Variants in NAA16 observed in about 807,000 individuals in gnomAD.
NAA16 encodes the protein NARG1-like protein.
A neutral mutation model predicts 110.3 loss-of-function variants in NAA16; 97 were observed. That is an observed-to-expected ratio of 0.88 (90% CI 0.75 to 1.04). The LOEUF is 1.04. NAA16 is among the 50% of genes least tolerant of loss of function. The pLI is 0.00. For missense variants in NAA16, 1,017 were observed against 1,005.1 expected, an observed-to-expected ratio of 1.01 and a Z score of -0.16; for synonymous variants, 372 against 330.6, an observed-to-expected ratio of 1.13 and a Z score of -1.36.
At chr13:41,333,549 C>T (rs1024019916) in intron 8 of NAA16, among the ~76,000 whole-genome samples, 4 of 152,088 alleles carry the variant, frequency 2.6e-5, no homozygotes, top group Non-Finnish European at 5.9e-5. Flanking sequence ...TCTGACTTCT[C>T]CTCCTTTTAT....
chr13:41,312,347 A>G (rs1228594370), intron 1 of NAA16, among the ~76,000 whole-genome samples: 1 of 152,140 alleles, frequency 6.6e-6, no homozygotes, highest in Non-Finnish European at 1.5e-5. Context: ...CAGAAGCCTG[A>G]ATAATGGCCC....
chr13:41,358,545 TTG>T (rs770719483), intron 11 of NAA16, 72 bp downstream of exon 11: 119 of 1,575,744 alleles, frequency 7.6e-5, no homozygotes, highest in Non-Finnish European at 9.9e-5. Context: ...AGTTTTTTCT[TTG>T]TGGAAACAAG....
chr13:41,334,822 T>C (rs1653079222), intron 8 of NAA16, among the ~76,000 whole-genome samples: 1 of 152,150 alleles, frequency 6.6e-6, no homozygotes, highest in African/African-American at 2.4e-5. Context: ...AAGACATCCA[T>C]TGTGATCAGC....
intron 16 of NAA16, 106 bp downstream of exon 16, chr13:41,372,417 C>T: frequency 7.3e-7 from 1 of 1,368,094 alleles, no homozygotes; most frequent in Non-Finnish European, 9.4e-7. Context: ...TTCATTTTAG[C>T]CTTCTACAAA....
chr13:41,372,573 C>T (rs540948863), intron 16 of NAA16, 159 bp from the exon 17 acceptor site: 17 of 985,218 alleles, frequency 1.7e-5, no homozygotes, highest in Middle Eastern at 5.2e-4. Flanking sequence ...CTTTAGAAAG[C>T]CATAGTTGAC....
intron 9 of NAA16, among the ~76,000 whole-genome samples, chr13:41,346,761 C>G (rs1415399578): frequency 6.6e-6 from 1 of 152,020 alleles, no homozygotes; most frequent in Non-Finnish European, 1.5e-5. Flanking sequence ...TAGCTGGGCC[C>G]TTTGTTATCT....
intron 3 of NAA16, among the ~76,000 whole-genome samples, chr13:41,319,492 A>G (rs2041891664): frequency 6.6e-6 from 1 of 152,166 alleles, no homozygotes; most frequent in Non-Finnish European, 1.5e-5. Flanking sequence ...TTCTTTGGGT[A>G]ATATCCCAGT....
At position 41,355,200 on chromosome 13, in the gene NAA16, CTT is replaced by C; in HGVS notation, c.1076_1077del (p.Phe359Ter). Reference protein sequence around the residue: ...NYEASLKTCDFFSPYENGEKE... With the variant: ...NYEASLKTCDXFSPYENGEKE... ...ATGAAGCCTCTCTTAAAACGTGTGA[CTT>C]TTTTAGCCCATATGGTAAGTTTAAA... is the stretch of plus-strand genomic sequence containing the variant. On this transcript the variant is annotated frameshift_variant, in exon 10 of 20. Coordinates refer to ENST00000379406, the MANE Select transcript of NAA16 (RefSeq NM_024561.5). LOFTEE classifies it high-confidence loss of function. 1 of 1,582,572 alleles carries C rather than the reference CTT, an allele frequency of 6.3e-7. No homozygotes were observed. Among genetic ancestry groups the C allele is most frequent in the South Asian group, 1.2e-5 (1 of 86,274 alleles).
At position 41,372,989 on chromosome 13, in the gene NAA16, C is replaced by T. The variant is rs368653542; in HGVS notation, c.2155+159C>T. 3.7e-5 allele frequency: 30 copies of T among 808,530 alleles called. 1 individual carries two copies. The East Asian group carries it at 2.2e-3, about 61-fold the overall frequency. The allele number at this position is 808,530 out of a possible 1,614,324, so 50.1% of individuals were successfully genotyped here. ...ATGATACAAATCCTCTGATCATGGC[C>T]CAAGCTGTCAGTGGGATGCCACTGA... is the stretch of plus-strand genomic sequence containing the variant. On this transcript the variant is annotated intron_variant, in intron 17 of 19. Coordinates refer to ENST00000379406, the MANE Select transcript of NAA16 (RefSeq NM_024561.5).
chr13:41,362,120 A>G lies in NAA16; in HGVS notation c.1500A>G (p.Arg500=). 6.2e-7 allele frequency: 1 copy of G among 1,607,512 alleles called. No homozygotes were observed. Among genetic ancestry groups the G allele is most frequent in the Non-Finnish European group, 8.5e-7 (1 of 1,177,896 alleles). Residue 500 remains arginine (R), a synonymous_variant, in exon 13 of 20, where the codon AGA becomes AGG. Transcript: ENST00000379406. ...ECISAYQRLG[R]YGDALKKCHE... is the part of the protein sequence containing the mutation. Reference sequence around the variant, plus strand: ...TTTCAGCTTATCAGCGTCTGGGGAGATACGGGGATGCCTTGAAAAAATGTC... The same window carrying G: ...TTTCAGCTTATCAGCGTCTGGGGAGGTACGGGGATGCCTTGAAAAAATGTC...
intron 1 of NAA16, among the ~76,000 whole-genome samples, chr13:41,312,334 G>A (rs1454013165): frequency 2.0e-5 from 3 of 152,120 alleles, no homozygotes; most frequent in Admixed American, 2.0e-4. Flanking sequence ...CTTTATCGCG[G>A]AGCAGAAGCC....
intron 4 of NAA16, among the ~76,000 whole-genome samples, chr13:41,321,354 A>G (rs188777208): frequency 6.6e-6 from 1 of 152,332 alleles, no homozygotes; most frequent in Non-Finnish European, 1.5e-5. Flanking sequence ...TAATTATTTA[A>G]AAATTAGAGA....
intron 12 of NAA16, among the ~76,000 whole-genome samples, chr13:41,360,415 G>A (rs2043088582): frequency 6.6e-6 from 1 of 152,086 alleles, no homozygotes; most frequent in Admixed American, 6.6e-5. Flanking sequence ...CTAAATCTAT[G>A]CAAAACTTAA....
Position 41,331,358 on chromosome 13 carries a change from C to T in NAA16, c.896C>T (p.Thr299Ile). 1 of 1,596,924 alleles carries T rather than the reference C, an allele frequency of 6.3e-7. No homozygotes were observed. Among genetic ancestry groups the T allele is most frequent in the African/African-American group, 1.3e-5 (1 of 74,592 alleles). The change falls in exon 8 of 20, where the codon ACT (threonine) becomes ATT (isoleucine). Residue 299 changes from threonine to isoleucine, a missense_variant. Physicochemically the swap from Thr to Ile is moderately conservative, Grantham distance 89. Coordinates refer to ENST00000379406, the MANE Select transcript of NAA16 (RefSeq NM_024561.5). The stretch of plus-strand genomic sequence containing the variant: ...ATTACACCCAGAAGATTACCTTTGA[C>T]TCTTGTCCCAGGTAATATTAAGATG... ...KAITPRRLPLTLVPGERFREL... is the reference protein window; with the variant it reads ...KAITPRRLPLILVPGERFREL...
At chr13:41,374,479 CCAT>C (rs1386776181) in intron 18 of NAA16, 1 of 254,744 alleles carries the variant, frequency 3.9e-6, no homozygotes, top group Non-Finnish European at 7.5e-6. Flanking sequence ...TGTTTAATAA[CCAT>C]CATTTTGTGA....
chr13:41,331,511 G>A (rs1183082429), intron 8 of NAA16, 142 bp downstream of exon 8: 6 of 508,262 alleles, frequency 1.2e-5, no homozygotes, highest in Non-Finnish European at 1.8e-5. Flanking sequence ...GAGTTTATAT[G>A]TTAAGAGTGT....
chr13:41,370,663 T>G (rs2043298369), intron 15 of NAA16, among the ~76,000 whole-genome samples: 1 of 152,158 alleles, frequency 6.6e-6, no homozygotes, highest in South Asian at 2.1e-4. Flanking sequence ...GGACTGCCTT[T>G]TAAAGTTCTT....
At position 41,372,783 on chromosome 13, in the gene NAA16, G is replaced by A; in HGVS notation, c.2108G>A (p.Ser703Asn). Reference sequence around the variant, plus strand: ...GTCAAACGAGCTTTTGCCATTAACAGTAATAACCCATGGTTACATGAATGT... The same window carrying A: ...GTCAAACGAGCTTTTGCCATTAACAATAATAACCCATGGTTACATGAATGT... The part of the protein sequence containing the change: ...QSVKRAFAIN[S>N]NNPWLHECLI... Residue 703 changes from serine to asparagine, a missense_variant, in exon 17 of 20, where the codon AGT becomes AAT. Physicochemically the swap from Ser to Asn is conservative, Grantham distance 46. Transcript: ENST00000379406. 1.9e-6 allele frequency: 3 copies of A among 1,602,628 alleles called. No individual in the cohort carries two copies.
intron 3 of NAA16, among the ~76,000 whole-genome samples, chr13:41,319,493 ATATCCCAGTGTGT>A (rs1306616761): frequency 6.6e-6 from 1 of 152,142 alleles, no homozygotes; most frequent in Non-Finnish European, 1.5e-5. Context: ...TCTTTGGGTA[ATATCCCAGTGTGT>A]AAAAAAAAAT....
Sources: gnomAD v4.1 joint callset for allele counts (sites outside exome capture counted in the v4.1 genomes callset) on GRCh38, gnomAD v4.1.1 for gene constraint, MANE v1.5 for transcripts, NCBI Gene and HGNC (gene_info 2026-07-23, HGNC 2026-07-21) for gene names.